Variants in FHIT observed in about 807,000 individuals in gnomAD.
FHIT encodes fragile histidine triad diadenosine triphosphatase.
Under a neutral mutation model 17.9 loss-of-function variants are expected in FHIT, and 19 were observed. The ratio of observed to expected loss-of-function variants is 1.06; its 90% CI spans 0.74 to 1.56. FHIT has a LOEUF of 1.56. FHIT is among the 40% of genes most tolerant of loss of function. The pLI is 0.00. For synonymous variants in FHIT, 81 were observed against 69.7 expected (o/e 1.16, Z -0.81); for missense variants, 248 against 189.2 (o/e 1.31, Z -1.82).
chr3:60,997,630 G>A (rs186810226), intron 3 of FHIT, among the ~76,000 whole-genome samples: 8 of 152,140 alleles, frequency 5.3e-5, no homozygotes, highest in Non-Finnish European at 8.8e-5. Context: ...CTTTGTCCTC[G>A]TATTACAGTA....
intron 5 of FHIT, 21 bp from the exon 6 acceptor site, chr3:60,014,173 G>A (rs765893119): frequency 1.2e-5 from 20 of 1,612,960 alleles, no homozygotes; most frequent in Non-Finnish European, 1.6e-5. Context: ...GTCTGTTAAG[G>A]CCCATGCTGC....
At chr3:60,916,215 G>A (rs377342206) in intron 3 of FHIT, among the ~76,000 whole-genome samples, 2 of 152,094 alleles carry the variant, frequency 1.3e-5, no homozygotes, top group East Asian at 1.9e-4. Flanking sequence ...ATGCCATGGC[G>A]AATATTTTTG....
intron 1 of FHIT, among the ~76,000 whole-genome samples, chr3:61,237,316 T>C (rs1360251447): frequency 6.6e-6 from 1 of 152,234 alleles, no homozygotes; most frequent in Non-Finnish European, 1.5e-5. Flanking sequence ...GTTGGACTAA[T>C]GAGAATCTTA....
At chr3:59,890,970 T>A (rs1264952017) in intron 8 of FHIT, among the ~76,000 whole-genome samples, 1 of 152,186 alleles carries the variant, frequency 6.6e-6, no homozygotes, top group Non-Finnish European at 1.5e-5. Flanking sequence ...CCTAAGTTAA[T>A]CAGCACACTG....
intron 3 of FHIT, chr3:60,912,825 T>A (rs1575679970): frequency 3.9e-6 from 2 of 510,450 alleles, no homozygotes; most frequent in Non-Finnish European, 7.8e-6. Context: ...TGCTCTTTTT[T>A]AAAAAGCTAT....
intron 5 of FHIT, among the ~76,000 whole-genome samples, chr3:60,533,266 C>A (rs780326776): frequency 6.6e-6 from 1 of 152,096 alleles, no homozygotes; most frequent in Non-Finnish European, 1.5e-5. Flanking sequence ...GGATGGGAAA[C>A]GGGAAAAGGT....
intron 5 of FHIT, among the ~76,000 whole-genome samples, chr3:60,503,240 T>G (rs751060767): frequency 6.6e-6 from 1 of 152,198 alleles, no homozygotes; most frequent in Non-Finnish European, 1.5e-5. Flanking sequence ...GCATAATACA[T>G]TCTCACTTAT....
chr3:60,371,405 G>A (rs1224579231), intron 5 of FHIT, among the ~76,000 whole-genome samples: 1 of 151,472 alleles, frequency 6.6e-6, no homozygotes, highest in Non-Finnish European at 1.5e-5. Flanking sequence ...GGAGTGCAGT[G>A]GCTATTCACA....
chr3:60,359,981 CTTTT>C (rs368086333), intron 5 of FHIT, among the ~76,000 whole-genome samples: 101 of 132,936 alleles, frequency 7.6e-4, no homozygotes, highest in African/African-American at 2.5e-3. Flanking sequence ...ACATTCAAGA[CTTTT>C]TTTTTTTTTT....
rs140455666 is a variant in FHIT at position 60,253,155 on chromosome 3, T to C, written c.104-239003A>G. Among the ~76,000 whole-genome samples, 787 of 152,292 alleles carry C rather than the reference T, an allele frequency of 5.2e-3. 9 individuals are homozygous for C. The highest frequency in any genetic ancestry group is 0.017 in the African/African-American group (719 of 41,572). On this transcript the variant is annotated intron_variant, in intron 5 of 9. Coordinates refer to ENST00000492590, the MANE Select transcript of FHIT (RefSeq NM_002012.4). ...TATTTTTAAGTTTTTATTTCCATTC[T>C]ACACTCCAGTGAGCAAATCAAAATG... is the stretch of plus-strand genomic sequence containing the variant.
intron 4 of FHIT, among the ~76,000 whole-genome samples, chr3:60,753,833 T>A (rs2042517163): frequency 6.6e-6 from 1 of 152,172 alleles, no homozygotes; most frequent in Non-Finnish European, 1.5e-5. Context: ...CGATTTTCTA[T>A]CCTTAACTCT....
chr3:60,696,604 A>G (rs2041118639), intron 4 of FHIT, among the ~76,000 whole-genome samples: 1 of 152,208 alleles, frequency 6.6e-6, no homozygotes, highest in Non-Finnish European at 1.5e-5. Context: ...AAGTGAGGAC[A>G]GCAGAACACG....
intron 3 of FHIT, among the ~76,000 whole-genome samples, chr3:61,039,775 A>G (rs1009208787): frequency 1.3e-5 from 2 of 152,080 alleles, no homozygotes; most frequent in African/African-American, 4.8e-5. Context: ...TGGGTGTAGC[A>G]CCCACCATGG....
At chr3:59,948,271 A>G (rs1226576810) in intron 7 of FHIT, among the ~76,000 whole-genome samples, 1 of 151,680 alleles carries the variant, frequency 6.6e-6, no homozygotes, top group Non-Finnish European at 1.5e-5. Flanking sequence ...TTGGGAGGCC[A>G]ACGTGGGTAG....
chr3:60,717,692 A>G (rs1553707126), intron 4 of FHIT, among the ~76,000 whole-genome samples: 3 of 152,192 alleles, frequency 2.0e-5, no homozygotes, highest in African/African-American at 7.2e-5. Context: ...GTTGTTCTTC[A>G]ACTTTATGTG....
chr3:60,491,046 G>C (rs886608298), intron 5 of FHIT, among the ~76,000 whole-genome samples: 10 of 152,118 alleles, frequency 6.6e-5, no homozygotes, highest in Non-Finnish European at 1.5e-4. Context: ...AGTATATGTT[G>C]CACTCAAGCC....
intron 5 of FHIT, among the ~76,000 whole-genome samples, chr3:60,145,719 A>G (rs2107314348): frequency 6.6e-6 from 1 of 152,292 alleles, no homozygotes; most frequent in Non-Finnish European, 1.5e-5. Flanking sequence ...AACCACACTT[A>G]TCCTGGTCCC....
chr3:60,114,489 C>CTTTTT (rs1576129465), intron 5 of FHIT, among the ~76,000 whole-genome samples: 8 of 61,602 alleles, frequency 1.3e-4, no homozygotes, highest in South Asian at 8.2e-4. Context: ...AAGAGAAATC[C>CTTTTT]TTTTTTTTTT....
intron 5 of FHIT, among the ~76,000 whole-genome samples, chr3:60,470,931 C>T (rs1412921658): frequency 1.3e-5 from 2 of 152,130 alleles, no homozygotes; most frequent in African/African-American, 4.8e-5. Flanking sequence ...GCAGGTGATG[C>T]ACTCTGCAAG....
Sources: gnomAD v4.1 joint callset for allele counts (sites outside exome capture counted in the v4.1 genomes callset) on GRCh38, gnomAD v4.1.1 for gene constraint, MANE v1.5 for transcripts, NCBI Gene and HGNC (gene_info 2026-07-23, HGNC 2026-07-21) for gene names.